ABCA1: variants seen among roughly 807,000 people sequenced by gnomAD.
ABCA1 encodes the protein ATP binding cassette subfamily A member 1.
In ABCA1, 133 loss-of-function variants were observed where a neutral mutation model predicts 262.5. The observed-to-expected ratio is 0.51, with a 90% CI of 0.44 to 0.59. The LOEUF is 0.59. Among genes scored for constraint, ABCA1 ranks in the 20% least tolerant of loss-of-function variants. The pLI is 0.00. For missense variants in ABCA1, 2,452 were observed against 2,777.5 expected (o/e 0.88, Z 2.63); for synonymous variants, 1,022 against 1,043.5 (o/e 0.98, Z 0.40).
intron 34 of ABCA1, 76 bp from the exon 35 acceptor site, chr9:104,800,660 G>A: frequency 7.6e-7 from 1 of 1,323,780 alleles, no homozygotes; most frequent in Admixed American, 1.7e-5. Flanking sequence ...GGAACCTGTG[G>A]ACAACAGGAC....
In ABCA1 at chr9:104,889,171, A is replaced by G. The variant is rs1340795238; in HGVS notation, c.91T>C (p.Trp31Arg). Residue 31 changes from tryptophan to arginine, a missense_variant, in exon 3 of 50, where the codon TGG (tryptophan) becomes CGG (arginine). This residue lies in a region of ABCA1 where 1,032 missense variants were observed against 1,089.7 expected (regional missense o/e 0.95). Transcript: ENST00000374736. Reference sequence around the variant, plus strand: ...AGGATCAGGAAGATAAATAGAGGCCAGGCCACTTCCAGCAGCAGCTGACAC... The same window carrying G: ...AGGATCAGGAAGATAAATAGAGGCCGGGCCACTTCCAGCAGCAGCTGACAC... ...QTCQLLLEVA[W>R]PLFIFLILIS... 6.2e-7 allele frequency: 1 copy of G among 1,614,192 alleles called. No homozygotes were observed. The highest frequency in any genetic ancestry group is 8.5e-7 in the Non-Finnish European group (1 of 1,180,024).
At position 104,796,128 on chromosome 9, in the gene ABCA1, C is replaced by T. The variant is rs944734064; in HGVS notation, c.5307G>A (p.Val1769=). 1 of 1,613,930 alleles carries T rather than the reference C, an allele frequency of 6.2e-7. No homozygotes were observed. The highest frequency in any genetic ancestry group is 1.7e-5 in the Admixed American group (1 of 60,030). ...VFKIPSTAYV[V]LTSVNLFIGI... ...CAATGAAGAGGTTCACGCTGGTGAG[C>T]ACCACATAGGCTGTGCTGGGGATCT... is the stretch of plus-strand genomic sequence containing the variant. The change falls in exon 39 of 50, where the codon GTG becomes GTA. Residue 1769 remains valine (V), a synonymous_variant. Transcript: ENST00000374736.
intron 5 of ABCA1, among the ~76,000 whole-genome samples, chr9:104,879,057 G>A (rs1838392673): frequency 6.6e-6 from 1 of 150,696 alleles, no homozygotes; most frequent in Admixed American, 6.6e-5. Flanking sequence ...CCTGGTGACA[G>A]AGCGAGGCTC....
intron 1 of ABCA1, among the ~76,000 whole-genome samples, 157 bp from the exon 2 acceptor site, chr9:104,903,928 C>T (rs1214043995): frequency 6.6e-6 from 1 of 152,234 alleles, no homozygotes; most frequent in Non-Finnish European, 1.5e-5. Flanking sequence ...CAGCTCCCAG[C>T]CTCTGGGTTC....
intron 27 of ABCA1, among the ~76,000 whole-genome samples, chr9:104,813,582 T>G (rs1347322942): frequency 1.3e-5 from 2 of 152,150 alleles, no homozygotes; most frequent in Admixed American, 1.3e-4. Flanking sequence ...CTCGGCTAAT[T>G]TTTTGTATTT....
At chr9:104,882,540 T>G (rs904539162) in intron 5 of ABCA1, among the ~76,000 whole-genome samples, 1 of 152,270 alleles carries the variant, frequency 6.6e-6, no homozygotes, top group Non-Finnish European at 1.5e-5. Context: ...AGATTTCACT[T>G]TTTAAAGACA....
At chr9:104,873,670 G>A (rs539839688) in intron 5 of ABCA1, among the ~76,000 whole-genome samples, 47 of 152,276 alleles carry the variant, frequency 3.1e-4, no homozygotes, top group African/African-American at 1.1e-3. Context: ...TCTGAACTTC[G>A]GCTCCTTCAT....
chr9:104,842,255 CA>C (rs1363109522), intron 8 of ABCA1, among the ~76,000 whole-genome samples: 2 of 152,262 alleles, frequency 1.3e-5, no homozygotes, highest in African/African-American at 4.8e-5. Context: ...CAGCTTTTCC[CA>C]ACTTTTTCTT....
At chr9:104,796,919 C>G (rs1401881894) in intron 37 of ABCA1, among the ~76,000 whole-genome samples, 1 of 152,134 alleles carries the variant, frequency 6.6e-6, no homozygotes, top group Non-Finnish European at 1.5e-5. Flanking sequence ...GTGTATCAAG[C>G]AGTAAAATGC....
rs1831854751 is a variant in ABCA1, at chr9:104,817,239, C to T, written c.3535+93G>A. 2.5e-6 allele frequency: 4 copies of T among 1,608,604 alleles called. No homozygotes were observed. Among genetic ancestry groups the T allele is most frequent in the South Asian group, 1.1e-5 (1 of 90,508 alleles). On this transcript the variant is annotated intron_variant, in intron 24 of 49. Coordinates refer to ENST00000374736, the MANE Select transcript of ABCA1 (RefSeq NM_005502.4). The surrounding 1 kb of genome is among the most constrained non-coding windows in gnomAD (Gnocchi z 4.7). The stretch of plus-strand genomic sequence containing the variant: ...CCAGCAGCAAACCTTGAGTCAGCGC[C>T]ACCAGCCTCTGCACCTCTCCTCCTC...
At chr9:104,820,124 G>T in intron 20 of ABCA1, 55 bp from the exon 21 acceptor site, 1 of 1,610,506 alleles carries the variant, frequency 6.2e-7, no homozygotes, top group Non-Finnish European at 8.5e-7. Context: ...CCAGAATACA[G>T]TGTCCCCTGG....
In ABCA1 at chr9:104,875,144, A is replaced by T. The variant is rs142745418; in HGVS notation, c.421+7895T>A. On this transcript the variant is annotated intron_variant, in intron 5 of 49. Coordinates refer to ENST00000374736, the MANE Select transcript of ABCA1 (RefSeq NM_005502.4). ...GGAGATTCCATTTTGTTCTGTACTA[A>T]GAAAAATTCTTCTGCCTTGAAAAAA... Among the ~76,000 whole-genome samples the T allele has an allele frequency of 2.3e-3, 351 of 152,222 alleles. 12 individuals carry two copies. In the East Asian group the frequency reaches 0.043, roughly 19 times the overall value.
intron 7 of ABCA1, 120 bp from the exon 8 acceptor site, chr9:104,845,689 T>C: frequency 1.4e-6 from 1 of 721,500 alleles, no homozygotes; most frequent in Non-Finnish European, 2.4e-6. Context: ...AGAAACCGAC[T>C]CCTAACCAAA....
Position 104,816,181 on chromosome 9 carries a change from T to C in ABCA1, c.3700A>G (p.Ile1234Val). The C allele has an allele frequency of 1.2e-6, 2 of 1,614,172 alleles. No individual in the cohort carries two copies. Among genetic ancestry groups the C allele is most frequent in the South Asian group, 2.2e-5 (2 of 91,090 alleles). Residue 1234 changes from isoleucine to valine, a missense_variant, in exon 25 of 50, where the codon ATT becomes GTT. Ile to Val is a conservative substitution (Grantham distance 29, BLOSUM62 3). Transcript: ENST00000374736. Reference sequence around the variant, plus strand: ...GTCTCTGAGATGCCATAACTAGAAATGCCCAGGTCTGAGAGCCGGTCATCA... The same window carrying C: ...GTCTCTGAGATGCCATAACTAGAAACGCCCAGGTCTGAGAGCCGGTCATCA... ...EIDDRLSDLG[I>V]SSYGISETTL...
chr9:104,804,705 C>A lies in ABCA1; in HGVS notation c.4480G>T (p.Ala1494Ser), dbSNP rs756606070. Residue 1494 changes from alanine to serine, a missense_variant, in exon 32 of 50, where the codon GCA becomes TCA. Transcript: ENST00000374736. ...LPPPQRKQNT[A>S]DILQDLTGRN... ...CCTGTCAGGTCCTGAAGGATATCTGCAGTGTTTTGTTTTCTCTGTCATCAC... is the reference window on the plus strand; with the variant it reads ...CCTGTCAGGTCCTGAAGGATATCTGAAGTGTTTTGTTTTCTCTGTCATCAC... 1 of 1,614,124 alleles carries A rather than the reference C, an allele frequency of 6.2e-7. No individual in the cohort carries two copies. The highest frequency in any genetic ancestry group is 8.5e-7 in the Non-Finnish European group (1 of 1,179,938).
intron 30 of ABCA1, among the ~76,000 whole-genome samples, chr9:104,807,414 T>C (rs1293973115): frequency 6.6e-6 from 1 of 152,152 alleles, no homozygotes; most frequent in South Asian, 2.1e-4. Context: ...ACTGGCAAAA[T>C]AAAAGTTTAA....
At position 104,814,239 on chromosome 9, in the gene ABCA1, C is replaced by A. The variant is rs903819988; in HGVS notation, c.3788-8G>T. The A allele has an allele frequency of 4.3e-6, 7 of 1,613,704 alleles. No individual in the cohort carries two copies. Among genetic ancestry groups the A allele is most frequent in the Non-Finnish European group, 5.9e-6 (7 of 1,179,680 alleles). On this transcript the variant is annotated splice_region_variant and splice_polypyrimidine_tract_variant and intron_variant, in intron 26 of 49. Coordinates refer to ENST00000374736, the MANE Select transcript of ABCA1 (RefSeq NM_005502.4). ...TTGCTGGCAAGGTACCATCTGAAGG[C>A]ACAAGGAAAGAATCCCATACTTTAT...
chr9:104,886,499 C>T (rs1839187663), intron 3 of ABCA1, among the ~76,000 whole-genome samples: 1 of 152,118 alleles, frequency 6.6e-6, no homozygotes, highest in Non-Finnish European at 1.5e-5. Flanking sequence ...CAAACAAGGC[C>T]CCTTGCCTAA....
chr9:104,861,511 T>C, intron 6 of ABCA1, 168 bp downstream of exon 6: 1 of 929,942 alleles, frequency 1.1e-6, no homozygotes, highest in South Asian at 1.4e-5. Flanking sequence ...CTGGATGGTT[T>C]GGCAATTCCT....
Sources: gnomAD v4.1 joint callset for allele counts (sites outside exome capture counted in the v4.1 genomes callset) on GRCh38, gnomAD v4.1.1 for gene constraint, gnomAD v4.1.1 regional missense constraint, Gnocchi (gnomAD v3.1) non-coding constraint, MANE v1.5 for transcripts, NCBI Gene and HGNC (gene_info 2026-07-23, HGNC 2026-07-21) for gene names.